Variants in MED28 observed in about 807,000 individuals in gnomAD.
MED28 encodes the protein mediator complex subunit 28.
Under a neutral mutation model 21.3 loss-of-function variants are expected in MED28, and 26 were observed. The ratio of observed to expected loss-of-function variants is 1.22; its 90% CI spans 0.89 to 1.69. The LOEUF (loss-of-function observed/expected upper bound fraction) is 1.69, where lower values mean the gene tolerates loss of function less well. Ranked by LOEUF, MED28 falls within the 40% of genes most tolerant of loss-of-function variation. The pLI, the probability that MED28 is intolerant of heterozygous loss-of-function variation, is 0.00. For missense variants in MED28, 257 were observed against 215.4 expected (o/e 1.19, Z -1.21); for synonymous variants, 110 against 87.6 (o/e 1.26, Z -1.43).
chr4:17,623,528 C>G, intron 3 of MED28, 73 bp from the exon 4 acceptor site: 1 of 1,417,924 alleles, frequency 7.1e-7, no homozygotes, highest in Non-Finnish European at 9.9e-7. Flanking sequence ...GAATTGTTAG[C>G]CTCTTAACTA....
Position 17,624,583 on chromosome 4 carries a change from T to C in MED28, c.*785T>C, listed in dbSNP as rs1300827546. 1.3e-5 allele frequency: 2 copies of C among 152,154 alleles called. No homozygotes were observed. The highest frequency in any genetic ancestry group is 2.9e-5 in the Non-Finnish European group (2 of 68,040). 9.4% of individuals were successfully genotyped at this position (152,154 alleles called of 1,614,324 possible). ...TTTCAGTAGCATGACAGTGGGGTCA[T>C]AGGTGAGCTGTGAGGGGCTAAATCT... On this transcript the variant is annotated 3_prime_UTR_variant, in exon 4 of 4. Transcript: ENST00000237380.
chr4:17,618,666 G>A (rs1577231150), intron 1 of MED28, among the ~76,000 whole-genome samples: 1 of 152,132 alleles, frequency 6.6e-6, no homozygotes, highest in Non-Finnish European at 1.5e-5. Flanking sequence ...ACAGGCACGT[G>A]CCACCATGCC....
rs1473816227 is a variant in MED28 at position 17,630,017 on chromosome 4, T to C, written c.*6219T>C. ...TAACAAAGATATAATCATTGCAGGG[T>C]AGAATTTAGAAATTTAAGACTGAAA... is the stretch of plus-strand genomic sequence containing the variant. On this transcript the variant is annotated 3_prime_UTR_variant, in exon 4 of 4. Transcript: ENST00000237380. 6.6e-6 allele frequency: 1 copy of C among 152,162 alleles called. No homozygotes were observed. Among genetic ancestry groups the C allele is most frequent in the African/African-American group, 2.4e-5 (1 of 41,444 alleles). 9.4% of individuals were successfully genotyped at this position (152,162 alleles called of 1,614,324 possible).
At chr4:17,621,515 A>G (rs1714632035) in intron 2 of MED28, 72 bp from the exon 3 acceptor site, 1 of 1,017,386 alleles carries the variant, frequency 9.8e-7, no homozygotes, top group Non-Finnish European at 1.4e-6. Context: ...CATTCTGATT[A>G]TTCATTTATG....
Position 17,633,654 on chromosome 4 carries a change from A to G in MED28, c.*9856A>G. 6.9e-7 allele frequency: 1 copy of G among 1,439,102 alleles called. No homozygotes were observed. The highest frequency in any genetic ancestry group is 2.9e-5 in the Admixed American group (1 of 34,834). 89.1% of individuals were successfully genotyped at this position (1,439,102 alleles called of 1,614,324 possible). ...CTTCCCCTCTTATCTACAGGGAAAT[A>G]GAATAAGGGCCCCTGTCCCCAACAT... On this transcript the variant is annotated 3_prime_UTR_variant, in exon 4 of 4. Transcript: ENST00000237380.
rs375675579 is a variant in MED28, at chr4:17,632,239, T to G, written c.*8441T>G. 13 of 180,780 alleles carry G rather than the reference T, an allele frequency of 7.2e-5. No individual in the cohort carries two copies. In the East Asian group the frequency reaches 1.5e-3, roughly 21 times the overall value. 11.2% of individuals were successfully genotyped at this position (180,780 alleles called of 1,614,324 possible). ...ACAGGCACACGCCACCATGCCTGGC[T>G]AATTTTTGTATATTTTGTAGAGATG... On this transcript the variant is annotated 3_prime_UTR_variant, in exon 4 of 4. Transcript: ENST00000237380.
chr4:17,622,653 A>G (rs965886805), intron 3 of MED28, among the ~76,000 whole-genome samples: 13 of 152,214 alleles, frequency 8.5e-5, no homozygotes, highest in African/African-American at 2.9e-4. Flanking sequence ...GGAGAGAGGT[A>G]CTGGATGGCT....
At chr4:17,620,432 C>T (rs559638639) in intron 2 of MED28, among the ~76,000 whole-genome samples, 180 of 149,612 alleles carry the variant, frequency 1.2e-3, no homozygotes, top group African/African-American at 4.1e-3. Context: ...CTCATGGGTT[C>T]AGGCAGTTCT....
At chr4:17,616,186 A>C (rs1714446455) in intron 1 of MED28, among the ~76,000 whole-genome samples, 1 of 151,974 alleles carries the variant, frequency 6.6e-6, no homozygotes, top group Admixed American at 6.6e-5. Context: ...CGAACTCCTG[A>C]CCTCGTGATC....
rs1714736070 is a variant in MED28, at chr4:17,624,927, TTTATATC to T, written c.*1134_*1140del. On this transcript the variant is annotated 3_prime_UTR_variant, in exon 4 of 4. Transcript: ENST00000237380. ...TCTCATTGGGTAAGGTTTTCTGAGT[TTTATATC>T]TTATTAGATCACATCCCTTTACCCA... 6.6e-6 allele frequency: 1 copy of T among 152,106 alleles called. No individual in the cohort carries two copies. 9.4% of individuals were successfully genotyped at this position (152,106 alleles called of 1,614,324 possible). A position where few individuals can be genotyped will look rare whatever the true frequency, so the allele number is the denominator to read the frequency against.
At position 17,632,429 on chromosome 4, in the gene MED28, T is replaced by G; in HGVS notation, c.*8631T>G. 1 of 973,902 alleles carries G rather than the reference T, an allele frequency of 1.0e-6. No homozygotes were observed. Among genetic ancestry groups the G allele is most frequent in the Non-Finnish European group, 1.5e-6 (1 of 657,138 alleles). The allele number at this position is 973,902 out of a possible 1,614,324, so 60.3% of individuals were successfully genotyped here. A position where few individuals can be genotyped will look rare whatever the true frequency, so the allele number is the denominator to read the frequency against. On this transcript the variant is annotated 3_prime_UTR_variant, in exon 4 of 4. Coordinates refer to ENST00000237380, the MANE Select transcript of MED28 (RefSeq NM_025205.5). ...TGTTTTAGCTATCATATATAAATCA[T>G]AAGCATATTATTTGGTTGGTTGGTG...
In MED28 at chr4:17,633,807, C is replaced by G; in HGVS notation, c.*10009C>G. 1.9e-6 allele frequency: 3 copies of G among 1,551,570 alleles called. No individual in the cohort carries two copies. Among genetic ancestry groups the G allele is most frequent in the South Asian group, 1.2e-5 (1 of 84,038 alleles). On this transcript the variant is annotated 3_prime_UTR_variant, in exon 4 of 4. Transcript: ENST00000237380. The stretch of plus-strand genomic sequence containing the variant: ...GGGGCATTAATCCTGGAACTCAGAT[C>G]GCCACTCAGAAAGTTCTTTGCATAG...
chr4:17,614,919 A>C, intron 1 of MED28, 106 bp downstream of exon 1: 1 of 1,324,850 alleles, frequency 7.5e-7, no homozygotes, highest in Non-Finnish European at 1.0e-6. Flanking sequence ...TAATTCACAA[A>C]TGGGGAAACT....
rs571820173 is a variant in MED28, at chr4:17,628,930, A to C, written c.*5132A>C. On this transcript the variant is annotated 3_prime_UTR_variant, in exon 4 of 4. Transcript: ENST00000237380. Reference sequence around the variant, plus strand: ...GAGGAGTACTGCACACAAGGACAGTAGAGTGTCTGTTCCCTGCAGAGGGAT... The same window carrying C: ...GAGGAGTACTGCACACAAGGACAGTCGAGTGTCTGTTCCCTGCAGAGGGAT... 1.3e-5 allele frequency: 2 copies of C among 152,294 alleles called. No individual in the cohort carries two copies. The highest frequency in any genetic ancestry group is 3.9e-4 in the East Asian group (2 of 5,186). 9.4% of individuals were successfully genotyped at this position (152,294 alleles called of 1,614,324 possible). A position where few individuals can be genotyped will look rare whatever the true frequency, so the allele number is the denominator to read the frequency against.
At chr4:17,615,222 G>A (rs1436324524) in intron 1 of MED28, among the ~76,000 whole-genome samples, 1 of 152,114 alleles carries the variant, frequency 6.6e-6, no homozygotes, top group African/African-American at 2.4e-5. Flanking sequence ...GATCCTAAAG[G>A]GACTCTTAAG....
chr4:17,622,187 A>G (rs766792592), intron 3 of MED28, among the ~76,000 whole-genome samples: 30 of 152,170 alleles, frequency 2.0e-4, no homozygotes, highest in Non-Finnish European at 4.0e-4. Context: ...GGTTGCCACG[A>G]TGACTTGGGA....
At position 17,624,236 on chromosome 4, in the gene MED28, A is replaced by G. The variant is rs9884632; in HGVS notation, c.*438A>G. On this transcript the variant is annotated 3_prime_UTR_variant, in exon 4 of 4. Transcript: ENST00000237380. ...TAATTACCCCGCGGTGGTGTGTAGA[A>G]AAGTATGTAAATTTGCTCTGTTTTA... is the stretch of plus-strand genomic sequence containing the variant. The G allele has an allele frequency of 0.047, 8,403 of 177,764 alleles. 737 individuals carry two copies. Among genetic ancestry groups the G allele is most frequent in the African/African-American group, 0.19 (7,867 of 42,014 alleles). 11.0% of individuals were successfully genotyped at this position (177,764 alleles called of 1,614,324 possible). A position where few individuals can be genotyped will look rare whatever the true frequency, so the allele number is the denominator to read the frequency against.
chr4:17,621,863 A>G (rs1399175848), intron 3 of MED28, among the ~76,000 whole-genome samples, 164 bp downstream of exon 3: 1 of 152,248 alleles, frequency 6.6e-6, no homozygotes, highest in African/African-American at 2.4e-5. Context: ...AACCTGAACA[A>G]GAAGTAAAGC....
At position 17,629,589 on chromosome 4, in the gene MED28, C is replaced by T. The variant is rs540944016; in HGVS notation, c.*5791C>T. ...GTTTTGCTGCAGGAACATATTAACTCTTCCACCCCTGTCATAATACAGCCT... is the reference window on the plus strand; with the variant it reads ...GTTTTGCTGCAGGAACATATTAACTTTTCCACCCCTGTCATAATACAGCCT... On this transcript the variant is annotated 3_prime_UTR_variant, in exon 4 of 4. Transcript: ENST00000237380. 1.3e-5 allele frequency: 2 copies of T among 152,296 alleles called. No individual in the cohort carries two copies. Among genetic ancestry groups the T allele is most frequent in the South Asian group, 2.1e-4 (1 of 4,828 alleles). 9.4% of individuals were successfully genotyped at this position (152,296 alleles called of 1,614,324 possible). A position where few individuals can be genotyped will look rare whatever the true frequency, so the allele number is the denominator to read the frequency against.
Sources: gnomAD v4.1 joint callset for allele counts (sites outside exome capture counted in the v4.1 genomes callset) on GRCh38, gnomAD v4.1.1 for gene constraint, MANE v1.5 for transcripts, NCBI Gene and HGNC (gene_info 2026-07-23, HGNC 2026-07-21) for gene names.